Variants in UVRAG observed in about 807,000 individuals in gnomAD.
UVRAG encodes the protein UV radiation resistance associated.
UVRAG carries 19 observed loss-of-function variants against 78.0 expected under a neutral mutation model. The ratio of observed to expected loss-of-function variants is 0.24; its 90% confidence interval spans 0.17 to 0.36. The LOEUF (loss-of-function observed/expected upper bound fraction) is 0.36. Among genes scored for constraint, UVRAG ranks in the 10% least tolerant of loss-of-function variants. The pLI is 1.00. For synonymous variants in UVRAG, 323 were observed against 324.6 expected (o/e 1.00, Z 0.05); for missense variants, 740 against 853.8 (o/e 0.87, Z 1.66).
chr11:75,875,305 C>T (rs930863480), intron 3 of UVRAG, among the ~76,000 whole-genome samples: 2 of 152,148 alleles, frequency 1.3e-5, no homozygotes, highest in Non-Finnish European at 2.9e-5. Context: ...GTTAGTGTCA[C>T]ACTCCCAAGT....
At chr11:75,983,311 A>G (rs1343368940) in intron 7 of UVRAG, 76 bp from the exon 8 acceptor site, 1 of 1,312,030 alleles carries the variant, frequency 7.6e-7, no homozygotes, top group Non-Finnish European at 1.0e-6. Flanking sequence ...ATTTATTTTT[A>G]AACATTGTGA....
chr11:75,940,310 T>A (rs564140443), intron 6 of UVRAG, among the ~76,000 whole-genome samples: 1 of 152,284 alleles, frequency 6.6e-6, no homozygotes, highest in Non-Finnish European at 1.5e-5. Context: ...AGTACTAACA[T>A]TATCATGGTC....
At position 75,890,469 on chromosome 11, in the gene UVRAG, TTTGGGTTTC is replaced by T. The variant is rs1344970310; in HGVS notation, c.507+1568_507+1576del. ...GAAAAAGGAGGTGTCATGGATGACT[TTTGGGTTTC>T]TGGCTTAGATGAAGTAACTGGATGG... On this transcript the variant is annotated intron_variant, in intron 5 of 14. Coordinates refer to ENST00000356136, the MANE Select transcript of UVRAG (RefSeq NM_003369.4). Among the ~76,000 whole-genome samples the T allele has an allele frequency of 2.6e-5, 4 of 152,280 alleles. No homozygotes were observed. The South Asian group carries it at 8.3e-4, about 32-fold the overall frequency.
intron 8 of UVRAG, among the ~76,000 whole-genome samples, chr11:75,990,730 T>G (rs1949588463): frequency 6.6e-6 from 1 of 152,226 alleles, no homozygotes; most frequent in Non-Finnish European, 1.5e-5. Context: ...CTAGGTTAAA[T>G]GTACTACTGT....
At chr11:75,852,025 C>A in intron 2 of UVRAG, 25 bp downstream of exon 2, 2 of 1,432,764 alleles carry the variant, frequency 1.4e-6, no homozygotes, top group Non-Finnish European at 1.9e-6. Flanking sequence ...GGCCTTACTA[C>A]CCACAGATTG....
At chr11:75,938,687 A>T (rs1263912958) in intron 6 of UVRAG, among the ~76,000 whole-genome samples, 1 of 152,044 alleles carries the variant, frequency 6.6e-6, no homozygotes, top group Non-Finnish European at 1.5e-5. Context: ...GTCCTGTGAA[A>T]TCTCTGCTTT....
intron 9 of UVRAG, among the ~76,000 whole-genome samples, chr11:76,005,160 G>A (rs1282876462): frequency 3.9e-5 from 6 of 152,082 alleles, no homozygotes; most frequent in African/African-American, 7.2e-5. Flanking sequence ...TGGCTAACAC[G>A]GTGAAACCCT....
intron 5 of UVRAG, chr11:75,892,310 A>G: frequency 3.0e-6 from 3 of 985,322 alleles, no homozygotes; most frequent in South Asian, 9.4e-5. Flanking sequence ...ACACAGAGAA[A>G]CTGCAGATGC....
At chr11:75,894,636 C>G (rs914070826) in intron 5 of UVRAG, among the ~76,000 whole-genome samples, 1 of 151,572 alleles carries the variant, frequency 6.6e-6, no homozygotes, top group Non-Finnish European at 1.5e-5. Flanking sequence ...ACCCCTGATC[C>G]CAAGTGATCC....
At chr11:75,993,823 G>C (rs1334217264) in intron 8 of UVRAG, among the ~76,000 whole-genome samples, 1 of 152,132 alleles carries the variant, frequency 6.6e-6, no homozygotes, top group Non-Finnish European at 1.5e-5. Context: ...GCCAACATCT[G>C]CTCCAGGTGA....
intron 8 of UVRAG, among the ~76,000 whole-genome samples, chr11:75,992,018 C>T (rs886455603): frequency 6.6e-6 from 1 of 151,878 alleles, no homozygotes; most frequent in Non-Finnish European, 1.5e-5. Flanking sequence ...TCCTAATAGT[C>T]CTATACATTA....
intron 5 of UVRAG, among the ~76,000 whole-genome samples, chr11:75,892,085 C>G (rs990988228): frequency 1.3e-5 from 2 of 152,306 alleles, no homozygotes; most frequent in East Asian, 3.9e-4. Context: ...GAACCTCCCC[C>G]ACAAAATAAC....
At chr11:76,030,913 GGT>G (rs575861128) in intron 12 of UVRAG, among the ~76,000 whole-genome samples, 181 of 152,276 alleles carry the variant, frequency 1.2e-3, no homozygotes, top group Admixed American at 2.4e-3. Flanking sequence ...CAATGATGCA[GGT>G]AGTGTATTTG....
chr11:75,819,690 C>T (rs926122440), intron 1 of UVRAG, among the ~76,000 whole-genome samples: 3 of 151,854 alleles, frequency 2.0e-5, no homozygotes, highest in Non-Finnish European at 2.9e-5. Context: ...TATTTTTGGC[C>T]GAGCACGGTG....
In UVRAG at chr11:75,884,569, C is replaced by T. The variant is rs550027946; in HGVS notation, c.433-4260C>T. ...ATAGTTTTAGGTTTTACATTTACAT[C>T]AATGATCCATTTTGAATTTTCTATA... On this transcript the variant is annotated intron_variant, in intron 4 of 14. Coordinates refer to ENST00000356136, the MANE Select transcript of UVRAG (RefSeq NM_003369.4). Among the ~76,000 whole-genome samples, 3 of 152,034 alleles carry T rather than the reference C, an allele frequency of 2.0e-5. No homozygotes were observed. In the East Asian group the frequency reaches 5.8e-4, roughly 29 times the overall value.
At chr11:76,128,134 C>T (rs1185570441) in intron 14 of UVRAG, among the ~76,000 whole-genome samples, 8 of 152,200 alleles carry the variant, frequency 5.3e-5, no homozygotes, top group Admixed American at 1.3e-4. Flanking sequence ...CAGTCCATGT[C>T]CTGTTAGGAA....
intron 7 of UVRAG, among the ~76,000 whole-genome samples, chr11:75,963,956 C>T (rs1948962245): frequency 6.6e-6 from 1 of 152,096 alleles, no homozygotes; most frequent in Admixed American, 6.6e-5. Flanking sequence ...CCAGCATGCA[C>T]AGTTTGTGTT....
At chr11:76,026,933 A>C (rs1410950073) in intron 12 of UVRAG, among the ~76,000 whole-genome samples, 1 of 152,054 alleles carries the variant, frequency 6.6e-6, no homozygotes, top group African/African-American at 2.4e-5. Context: ...AATTCTCTAT[A>C]ATTACCTAAC....
At chr11:76,056,095 A>T (rs115151479) in intron 12 of UVRAG, among the ~76,000 whole-genome samples, 115 of 152,346 alleles carry the variant, frequency 7.5e-4, no homozygotes, top group African/African-American at 2.7e-3. Context: ...GATACAGATC[A>T]TTGACTCTCC....
Sources: gnomAD v4.1 joint callset for allele counts (sites outside exome capture counted in the v4.1 genomes callset) on GRCh38, gnomAD v4.1.1 for gene constraint, MANE v1.5 for transcripts, NCBI Gene and HGNC (gene_info 2026-07-23, HGNC 2026-07-21) for gene names.